Variants in UNC5C observed in about 807,000 individuals in gnomAD.
UNC5C encodes netrin receptor UNC5C.
UNC5C carries 47 observed loss-of-function variants against 99.8 expected under a neutral mutation model. The observed-to-expected ratio is 0.47, with a 90% CI of 0.37 to 0.60. The LOEUF (loss-of-function observed/expected upper bound fraction) is 0.60, where lower values mean the gene tolerates loss of function less well. Among genes scored for constraint, UNC5C ranks in the 20% least tolerant of loss-of-function variants. The pLI is 0.00. For synonymous variants in UNC5C, 487 were observed against 452.2 expected, an observed-to-expected ratio of 1.08 and a Z score of -0.98; for missense variants, 1,062 against 1,165.9, an observed-to-expected ratio of 0.91 and a Z score of 1.30.
At chr4:95,461,066 A>G (rs1021026191) in intron 1 of UNC5C, among the ~76,000 whole-genome samples, 12 of 152,236 alleles carry the variant, frequency 7.9e-5, no homozygotes, top group African/African-American at 2.9e-4. Flanking sequence ...ATTGTAGAAC[A>G]TGTTCATAAA....
intron 12 of UNC5C, among the ~76,000 whole-genome samples, chr4:95,188,436 C>G (rs1278043589): frequency 1.3e-5 from 2 of 152,200 alleles, no homozygotes; most frequent in African/African-American, 2.4e-5. Context: ...CACACAGGAA[C>G]AGGAGCTGAC....
At chr4:95,496,917 AG>A (rs1437418963) in intron 1 of UNC5C, among the ~76,000 whole-genome samples, 1 of 151,914 alleles carries the variant, frequency 6.6e-6, no homozygotes. Flanking sequence ...CTTAGAAGTG[AG>A]AAAATACAAC....
chr4:95,428,890 A>G (rs894287216), intron 1 of UNC5C, among the ~76,000 whole-genome samples: 4 of 152,106 alleles, frequency 2.6e-5, no homozygotes, highest in Non-Finnish European at 4.4e-5. Flanking sequence ...CAGCCCCGTC[A>G]CTAGGAGTCT....
chr4:95,548,693 A>C (rs1320613663), intron 1 of UNC5C, 41 bp downstream of exon 1: 3 of 1,605,652 alleles, frequency 1.9e-6, no homozygotes, highest in Non-Finnish European at 2.6e-6. Context: ...GGAAGGAAGA[A>C]GCTAAGGGAG....
intron 1 of UNC5C, among the ~76,000 whole-genome samples, chr4:95,398,501 C>A (rs1745591223): frequency 6.6e-6 from 1 of 152,092 alleles, no homozygotes; most frequent in African/African-American, 2.4e-5. Flanking sequence ...AAGGAAAGTT[C>A]TACTGTAGCA....
intron 1 of UNC5C, among the ~76,000 whole-genome samples, chr4:95,487,299 T>G (rs897877650): frequency 6.6e-6 from 1 of 151,732 alleles, no homozygotes; most frequent in Admixed American, 6.6e-5. Flanking sequence ...AAGGAGTGCA[T>G]AAATAGTTAT....
intron 5 of UNC5C, among the ~76,000 whole-genome samples, chr4:95,250,243 A>G: frequency 6.6e-6 from 1 of 152,146 alleles, no homozygotes; most frequent in East Asian, 1.9e-4. Context: ...AGAACCGGGC[A>G]TGGTGGTACA....
intron 5 of UNC5C, among the ~76,000 whole-genome samples, 194 bp downstream of exon 5, chr4:95,250,293 G>C (rs1315150590): frequency 6.6e-6 from 1 of 152,134 alleles, no homozygotes; most frequent in African/African-American, 2.4e-5. Flanking sequence ...GCTGAGGTGG[G>C]AGTATCCCTT....
intron 2 of UNC5C, among the ~76,000 whole-genome samples, chr4:95,304,067 A>G (rs1042564375): frequency 6.6e-6 from 1 of 152,158 alleles, no homozygotes; most frequent in Non-Finnish European, 1.5e-5. Flanking sequence ...AATATTTCCT[A>G]TCAAGAGCTG....
intron 1 of UNC5C, among the ~76,000 whole-genome samples, chr4:95,347,285 T>C (rs921442054): frequency 2.6e-5 from 4 of 151,990 alleles, no homozygotes; most frequent in African/African-American, 9.7e-5. Flanking sequence ...GGAAAGATAT[T>C]CCATGTTCGT....
chr4:95,216,262 A>G (rs749724572), intron 9 of UNC5C, 51 bp from the exon 10 acceptor site: 7 of 1,463,892 alleles, frequency 4.8e-6, no homozygotes, highest in Non-Finnish European at 5.7e-6. Context: ...CAGCACGTAA[A>G]AGGGAATGAG....
intron 5 of UNC5C, among the ~76,000 whole-genome samples, chr4:95,247,232 T>C (rs1410695934): frequency 6.6e-6 from 1 of 152,102 alleles, no homozygotes; most frequent in Non-Finnish European, 1.5e-5. Flanking sequence ...TATAAAACAG[T>C]TGCTAAATAT....
intron 14 of UNC5C, among the ~76,000 whole-genome samples, chr4:95,170,648 A>G (rs968656406): frequency 6.6e-6 from 1 of 152,194 alleles, no homozygotes; most frequent in Non-Finnish European, 1.5e-5. Context: ...CTCCAGGCTG[A>G]GAGAGAAGAG....
intron 1 of UNC5C, among the ~76,000 whole-genome samples, chr4:95,488,461 A>C (rs1721387020): frequency 6.6e-6 from 1 of 151,804 alleles, no homozygotes; most frequent in Non-Finnish European, 1.5e-5. Flanking sequence ...TTAAGATAAA[A>C]CAAAGCAGTA....
chr4:95,275,856 T>C (rs1740840059), intron 4 of UNC5C, among the ~76,000 whole-genome samples: 2 of 152,198 alleles, frequency 1.3e-5, no homozygotes, highest in African/African-American at 2.4e-5. Context: ...GACTCTTTCT[T>C]GGAATCATTT....
At position 95,448,070 on chromosome 4, in the gene UNC5C, A is replaced by G. The variant is rs376665349; in HGVS notation, c.124+100664T>C. Among the ~76,000 whole-genome samples, 10 of 152,118 alleles carry G rather than the reference A, an allele frequency of 6.6e-5. 1 individual carries two copies. The East Asian group carries it at 1.7e-3, about 27-fold the overall frequency. On this transcript the variant is annotated intron_variant, in intron 1 of 15. Coordinates refer to ENST00000453304, the MANE Select transcript of UNC5C (RefSeq NM_003728.4). Reference sequence around the variant, plus strand: ...AAAGCAACACTTGTAACGTGCTAACATGCATCGCCACCATTTTCTCTCAGC... The same window carrying G: ...AAAGCAACACTTGTAACGTGCTAACGTGCATCGCCACCATTTTCTCTCAGC...
At chr4:95,187,306 T>A (rs1197271827) in intron 12 of UNC5C, among the ~76,000 whole-genome samples, 2 of 152,208 alleles carry the variant, frequency 1.3e-5, no homozygotes, top group Non-Finnish European at 2.9e-5. Context: ...AATTACCTCA[T>A]CAAGACGTCT....
At chr4:95,474,988 T>C (rs568430789) in intron 1 of UNC5C, among the ~76,000 whole-genome samples, 1 of 152,222 alleles carries the variant, frequency 6.6e-6, no homozygotes, top group South Asian at 2.1e-4. Context: ...CCCTATACCA[T>C]CAAGCACGTT....
chr4:95,500,842 C>A (rs967791309), intron 1 of UNC5C, among the ~76,000 whole-genome samples: 1 of 152,072 alleles, frequency 6.6e-6, no homozygotes, highest in East Asian at 1.9e-4. Context: ...AATTCAGTCC[C>A]ACTGATATCA....
Sources: gnomAD v4.1 joint callset for allele counts (sites outside exome capture counted in the v4.1 genomes callset) on GRCh38, gnomAD v4.1.1 for gene constraint, MANE v1.5 for transcripts, NCBI Gene and HGNC (gene_info 2026-07-23, HGNC 2026-07-21) for gene names.